RIF1: variants seen among roughly 807,000 people sequenced by gnomAD.
The protein encoded by RIF1 is replication timing regulatory factor 1, also known as telomere-associated protein RIF1.
In RIF1, 45 loss-of-function variants were observed where a neutral mutation model predicts 247.1. The observed-to-expected ratio is 0.18, with a 90% CI of 0.14 to 0.23. RIF1 has a LOEUF of 0.23. Ranked by LOEUF, RIF1 falls within the 10% of genes least tolerant of loss-of-function variation. The probability of loss-of-function intolerance (pLI) is 1.00; values close to 1 mark genes in which losing one functional copy is unlikely to be tolerated. For missense variants in RIF1, 2,967 were observed against 2,862.5 expected, an observed-to-expected ratio of 1.04 and a Z score of -0.83; for synonymous variants, 1,087 against 978.8, an observed-to-expected ratio of 1.11 and a Z score of -2.06.
chr2:151,430,655 TG>T (rs1313030244), intron 9 of RIF1, among the ~76,000 whole-genome samples: 3 of 152,008 alleles, frequency 2.0e-5, no homozygotes, highest in Admixed American at 6.6e-5. Context: ...TGGTACATTT[TG>T]GGGGCATAGT....
rs142724873 is a variant in RIF1 at position 151,464,056 on chromosome 2, G to T, written c.4536G>T (p.Lys1512Asn). ...NKKKADPENI[K>N]SEGDGTQDIV... ...AAAAGGCAGACCCTGAGAACATTAA[G>T]TCTGAGGGGGATGGTACCCAGGACA... is the stretch of plus-strand genomic sequence containing the variant. The change falls in exon 30 of 36, where the codon AAG (lysine) becomes AAT (asparagine). Residue 1512 changes from lysine to asparagine, a missense_variant. Coordinates refer to ENST00000444746, the MANE Select transcript of RIF1 (RefSeq NM_018151.5). 1.2e-6 allele frequency: 2 copies of T among 1,612,946 alleles called. No individual in the cohort carries two copies. Among genetic ancestry groups the T allele is most frequent in the East Asian group, 4.5e-5 (2 of 44,868 alleles).
At chr2:151,490,313 A>G in intron 9 of RIF1, 1 of 1,552,020 alleles carries the variant, frequency 6.4e-7, no homozygotes, top group Non-Finnish European at 8.7e-7. Flanking sequence ...CATCTCTTAT[A>G]GTAACCATCA....
chr2:151,530,734 A>G, the RIF1 span: 13 of 351,878 alleles, frequency 3.7e-5, 1 homozygote, highest in East Asian at 5.6e-4. Context: ...GCCATCACCA[A>G]TGGCTAGCCA....
At chr2:151,424,825 A>ATTTTTTTTTTTTTTTT (rs71000475) in intron 8 of RIF1, among the ~76,000 whole-genome samples, 2 of 47,270 alleles carry the variant, frequency 4.2e-5, no homozygotes, top group African/African-American at 8.0e-5. Flanking sequence ...AGCCCGGCTG[A>ATTTTTTTTTTTTTTTT]TTTTTTTTTT....
intron 18 of RIF1, among the ~76,000 whole-genome samples, chr2:151,443,970 C>A (rs550894632): frequency 2.2e-4 from 33 of 152,218 alleles, no homozygotes; most frequent in Non-Finnish European, 3.8e-4. Flanking sequence ...GATGTAAATT[C>A]TTGTATCTTG....
Position 151,494,369 on chromosome 2 carries a change from A to G in RIF1, c.*416-860A>G, listed in dbSNP as rs973775933. 23 of 699,128 alleles carry G rather than the reference A, an allele frequency of 3.3e-5. 1 individual carries two copies. In the African/African-American group the frequency reaches 3.5e-4, roughly 11 times the overall value. 43.3% of individuals were successfully genotyped at this position (699,128 alleles called of 1,614,324 possible). On this transcript the variant is annotated intron_variant and NMD_transcript_variant, in intron 9 of 13. Coordinates refer to the RIF1 transcript ENST00000454583. ...TTTAGGGCCCCAAACCATTTGGGCAATTAGGTTAGATGGAAAGTAGTATGT... is the reference window on the plus strand; with the variant it reads ...TTTAGGGCCCCAAACCATTTGGGCAGTTAGGTTAGATGGAAAGTAGTATGT...
At chr2:151,493,973 G>T in intron 9 of RIF1, 1 of 910,784 alleles carries the variant, frequency 1.1e-6, no homozygotes. Context: ...TACTATTAGT[G>T]AGAACACCTC....
chr2:151,445,300 T>A (rs1693065728), intron 18 of RIF1, 38 bp from the exon 19 acceptor site: 1 of 1,120,034 alleles, frequency 8.9e-7, no homozygotes. Flanking sequence ...TAGAATAAGA[T>A]GGTAATTTGT....
At position 151,465,950 on chromosome 2, in the gene RIF1, TCTC is replaced by T. The variant is rs1251577485; in HGVS notation, c.6434_6436del (p.Pro2145del). On this transcript the variant is annotated inframe_deletion, in exon 30 of 36. Coordinates refer to ENST00000444746, the MANE Select transcript of RIF1 (RefSeq NM_018151.5). ...GCTAATAATAGAAGACAATAATGCA[TCTC>T]CTCAAAAACTAAGGGAACTTGATCC... The T allele has an allele frequency of 1.2e-6, 2 of 1,613,956 alleles. No homozygotes were observed. The highest frequency in any genetic ancestry group is 1.7e-6 in the Non-Finnish European group (2 of 1,179,988).
intron 11 of RIF1, 29 bp downstream of exon 11, chr2:151,435,609 T>C (rs201793251): frequency 1.6e-6 from 2 of 1,285,776 alleles, no homozygotes; most frequent in East Asian, 4.6e-5. Flanking sequence ...TGTTTTTTGC[T>C]TTTTTAATCA....
chr2:151,514,872 C>T, the RIF1 span: 2 of 1,588,234 alleles, frequency 1.3e-6, no homozygotes, highest in Admixed American at 3.5e-5. Flanking sequence ...GCGTGACCTC[C>T]AGGCCAGTCA....
Position 151,493,576 on chromosome 2 carries a change from T to TA in RIF1, c.*416-1652dup, listed in dbSNP as rs2058172581. ...ACTGAAGGTAAAGCTATTAAAATGT[T>TA]ACGGTAGGAAGCAAAAGTTTAAGAA... On this transcript the variant is annotated intron_variant and NMD_transcript_variant, in intron 9 of 13. Coordinates refer to the RIF1 transcript ENST00000454583. 5.4e-6 allele frequency: 4 copies of TA among 743,956 alleles called. No individual in the cohort carries two copies. In the South Asian group the frequency reaches 8.4e-5, roughly 16 times the overall value. 46.1% of individuals were successfully genotyped at this position (743,956 alleles called of 1,614,324 possible).
the RIF1 span, among the ~76,000 whole-genome samples, chr2:151,520,986 A>G: frequency 6.6e-6 from 1 of 152,348 alleles, no homozygotes; most frequent in Non-Finnish European, 1.5e-5. Context: ...TAAGGCCAGA[A>G]GTAGAATTCT....
At chr2:151,531,804 T>C in the RIF1 span, 4 of 1,611,238 alleles carry the variant, frequency 2.5e-6, no homozygotes, top group Non-Finnish European at 3.4e-6. Context: ...CGCTGATTTG[T>C]TTGTTGACTT....
intron 30 of RIF1, among the ~76,000 whole-genome samples, chr2:151,467,265 C>G (rs1228167677): frequency 2.0e-5 from 3 of 152,048 alleles, no homozygotes; most frequent in African/African-American, 7.2e-5. Flanking sequence ...CCCTGTTACT[C>G]TTATTCATGT....
the RIF1 span, chr2:151,533,538 A>G: frequency 2.8e-5 from 44 of 1,549,308 alleles, no homozygotes; most frequent in African/African-American, 1.5e-4. Context: ...CACTAGATTT[A>G]TATTTTCTCT....
In RIF1 at chr2:151,492,512, G is replaced by A. The variant is rs2288195; in HGVS notation, c.*416-2717G>A. On this transcript the variant is annotated intron_variant and NMD_transcript_variant, in intron 9 of 13. Transcript: ENST00000454583. ...TAAAGAACCTGATGCAGGAGAGACCGTGAATGAGTGGTGCTGTCCTAAATC... is the reference window on the plus strand; with the variant it reads ...TAAAGAACCTGATGCAGGAGAGACCATGAATGAGTGGTGCTGTCCTAAATC... 0.66 allele frequency: 1,040,475 copies of A among 1,564,944 alleles called. 347,801 individuals carry two copies. Among genetic ancestry groups the A allele is most frequent in the East Asian group, 0.79 (35,407 of 44,588 alleles).
intron 20 of RIF1, among the ~76,000 whole-genome samples, chr2:151,450,484 C>T (rs1028976277): frequency 6.6e-6 from 1 of 151,970 alleles, no homozygotes; most frequent in African/African-American, 2.4e-5. Flanking sequence ...GTAATGTGTT[C>T]CTTGTTACTG....
intron 8 of RIF1, among the ~76,000 whole-genome samples, chr2:151,425,970 C>T (rs1286492470): frequency 1.3e-5 from 2 of 151,222 alleles, no homozygotes; most frequent in Admixed American, 6.6e-5. Context: ...TGAGCCACCG[C>T]GCCTGGCCTG....
Sources: gnomAD v4.1 joint callset for allele counts (sites outside exome capture counted in the v4.1 genomes callset) on GRCh38, gnomAD v4.1.1 for gene constraint, MANE v1.5 for transcripts, NCBI Gene and HGNC (gene_info 2026-07-23, HGNC 2026-07-21) for gene names.